CNGB1: variants seen among roughly 807,000 people sequenced by gnomAD.
The protein encoded by CNGB1 is cyclic nucleotide-gated channel beta-1.
Under a neutral mutation model 151.7 loss-of-function variants are expected in CNGB1, and 126 were observed. That is an observed-to-expected ratio of 0.83 (90% CI 0.72 to 0.96). The LOEUF (loss-of-function observed/expected upper bound fraction) is 0.96. Ranked by LOEUF, CNGB1 falls within the 40% of genes least tolerant of loss-of-function variation. CNGB1 has a pLI of 0.00. For missense variants in CNGB1, 1,698 were observed against 1,627.0 expected (o/e 1.04, Z -0.75); for synonymous variants, 623 against 635.1 (o/e 0.98, Z 0.29).
At chr16:57,951,784 C>A (rs1367417810) in intron 12 of CNGB1, among the ~76,000 whole-genome samples, 1 of 152,178 alleles carries the variant, frequency 6.6e-6, no homozygotes, top group African/African-American at 2.4e-5. Flanking sequence ...GATGAGCAAA[C>A]TGAGACACAG....
intron 9 of CNGB1, 150 bp from the exon 10 acceptor site, chr16:57,960,215 C>A: frequency 1.4e-6 from 2 of 1,433,126 alleles, no homozygotes; most frequent in South Asian, 1.4e-5. Context: ...CTCAAACAGA[C>A]CAGACAGACA....
chr16:57,899,339 T>C (rs1302933343), intron 29 of CNGB1, among the ~76,000 whole-genome samples: 1 of 151,784 alleles, frequency 6.6e-6, no homozygotes, highest in African/African-American at 2.4e-5. Context: ...AAAATAATAA[T>C]AATAATAATT....
At chr16:57,939,621 T>A (rs775640942) in intron 15 of CNGB1, 29 bp from the exon 16 acceptor site, 2 of 1,613,936 alleles carry the variant, frequency 1.2e-6, no homozygotes, top group East Asian at 4.5e-5. Flanking sequence ...AAACAGAAAC[T>A]GTGACCATCA....
rs1299763832 is a variant in CNGB1 at position 57,882,786 on chromosome 16, T to A, written c.*1378A>T. 7.1e-6 allele frequency: 1 copy of A among 141,280 alleles called. No individual in the cohort carries two copies. The highest frequency in any genetic ancestry group is 1.5e-5 in the Non-Finnish European group (1 of 64,746). 8.8% of individuals were successfully genotyped at this position (141,280 alleles called of 1,614,324 possible). A position where few individuals can be genotyped will look rare whatever the true frequency, so the allele number is the denominator to read the frequency against. ...TTCCCTGAATGACCCTTTTTTCTTTTTTTTTCTTTTTTCTTTTTTTTTTTT... is the reference window on the plus strand; with the variant it reads ...TTCCCTGAATGACCCTTTTTTCTTTATTTTTCTTTTTTCTTTTTTTTTTTT... On this transcript the variant is annotated 3_prime_UTR_variant, in exon 33 of 33. Transcript: ENST00000251102.
chr16:57,909,087 G>A (rs898651700), intron 25 of CNGB1, among the ~76,000 whole-genome samples: 16 of 152,152 alleles, frequency 1.1e-4, no homozygotes, highest in African/African-American at 1.4e-4. Context: ...TGGGCCACAC[G>A]GCAAAACTCC....
At chr16:57,891,864 C>A (rs1478580980) in intron 31 of CNGB1, among the ~76,000 whole-genome samples, 2 of 152,108 alleles carry the variant, frequency 1.3e-5, no homozygotes, top group African/African-American at 4.8e-5. Flanking sequence ...CTAAAGACAT[C>A]TTATTAAATA....
chr16:57,944,259 G>C (rs1365417993), intron 14 of CNGB1, among the ~76,000 whole-genome samples: 1 of 152,180 alleles, frequency 6.6e-6, no homozygotes, highest in South Asian at 2.1e-4. Context: ...AGGACATTAT[G>C]TTAAGTGAAA....
Position 57,897,859 on chromosome 16 carries a change from C to T in CNGB1, c.3032G>A (p.Gly1011Asp). The T allele has an allele frequency of 6.2e-7, 1 of 1,614,232 alleles. No individual in the cohort carries two copies. Among genetic ancestry groups the T allele is most frequent in the Non-Finnish European group, 8.5e-7 (1 of 1,180,034 alleles). Residue 1011 changes from glycine (G) to aspartate (D), a missense_variant, in exon 30 of 33, where the codon GGC becomes GAC. Physicochemically the swap from Gly to Asp is moderately conservative, Grantham distance 94. Transcript: ENST00000251102. ...IIQAGQVQVLGGPDGKSVLVT... is the reference protein window; with the variant it reads ...IIQAGQVQVLDGPDGKSVLVT... ...CAGCACAGATTTCCCATCAGGGCCG[C>T]CCAAGACCTGCACTTGCCCTGCCTG... is the stretch of plus-strand genomic sequence containing the variant.
In CNGB1 at chr16:57,917,447, CGAA is replaced by C; in HGVS notation, c.1984_1986del (p.Phe662del). 2 of 1,613,938 alleles carry C rather than the reference CGAA, an allele frequency of 1.2e-6. No homozygotes were observed. Among genetic ancestry groups the C allele is most frequent in the Admixed American group, 1.7e-5 (1 of 59,974 alleles). On this transcript the variant is annotated inframe_deletion, in exon 21 of 33. Transcript: ENST00000251102. ...CAGTTCCAATTCCAGGCCATCACCA[CGAA>C]GAACAGCCATAGGACATACATCAGG...
At chr16:57,885,576 CTCTT>C (rs60188757) in intron 32 of CNGB1, among the ~76,000 whole-genome samples, 45,750 of 122,696 alleles carry the variant, frequency 0.37, 10,084 homozygotes, top group Non-Finnish European at 0.46. Flanking sequence ...CTCTCTCTCT[CTCTT>C]TCTTTCTTTC....
At chr16:57,920,943 A>T (rs1308801977) in intron 18 of CNGB1, among the ~76,000 whole-genome samples, 1 of 152,146 alleles carries the variant, frequency 6.6e-6, no homozygotes. Context: ...GAGAGGGAGC[A>T]GGCCTACTTT....
At chr16:57,919,060 C>T in intron 20 of CNGB1, 39 bp downstream of exon 20, 1 of 1,614,040 alleles carries the variant, frequency 6.2e-7, no homozygotes, top group Non-Finnish European at 8.5e-7. Flanking sequence ...CCTGCTCTCT[C>T]ATCTTACACA....
At chr16:57,961,937 T>C (rs569715978) in intron 7 of CNGB1, among the ~76,000 whole-genome samples, 1 of 152,318 alleles carries the variant, frequency 6.6e-6, no homozygotes, top group Non-Finnish European at 1.5e-5. Flanking sequence ...ACTTTGGAAG[T>C]CTACAGTGTC....
At chr16:57,939,319 G>A in intron 16 of CNGB1, 111 bp downstream of exon 16, 1 of 1,481,844 alleles carries the variant, frequency 6.7e-7, no homozygotes, top group Non-Finnish European at 9.3e-7. Context: ...GCAATGGGGG[G>A]AAGGAGATGG....
intron 29 of CNGB1, among the ~76,000 whole-genome samples, chr16:57,899,988 ACT>A (rs1300300846): frequency 3.3e-5 from 5 of 152,062 alleles, no homozygotes; most frequent in African/African-American, 9.7e-5. Flanking sequence ...TTTAAAGCAA[ACT>A]CTGCATCACC....
At chr16:57,953,009 T>TCCAACTG (rs1276634658) in intron 12 of CNGB1, among the ~76,000 whole-genome samples, 1 of 151,990 alleles carries the variant, frequency 6.6e-6, no homozygotes, top group Non-Finnish European at 1.5e-5. Flanking sequence ...CCCCTGGAGC[T>TCCAACTG]CCAACTGCCC....
At position 57,905,484 on chromosome 16, in the gene CNGB1, G is replaced by A. The variant is rs115650168; in HGVS notation, c.2493-609C>T. Among the ~76,000 whole-genome samples the A allele has an allele frequency of 3.1e-3, 479 of 152,314 alleles. 4 individuals carry two copies. The highest frequency in any genetic ancestry group is 0.011 in the African/African-American group (438 of 41,570). On this transcript the variant is annotated intron_variant, in intron 25 of 32. Transcript: ENST00000251102. ...CCACCAGCAGTAACCCTCTGACGTC[G>A]GCTTGTGAACCTTCTGGAAGGGAGG...
intron 21 of CNGB1, 135 bp from the exon 22 acceptor site, chr16:57,916,314 G>T: frequency 1.1e-6 from 1 of 882,782 alleles, no homozygotes; most frequent in Non-Finnish European, 1.9e-6. Context: ...GAGCCTTGGT[G>T]AAAGCCTTGA....
intron 14 of CNGB1, among the ~76,000 whole-genome samples, chr16:57,948,995 C>T (rs1390932618): frequency 6.6e-6 from 1 of 152,170 alleles, no homozygotes; most frequent in Non-Finnish European, 1.5e-5. Flanking sequence ...TGGGAGCCCA[C>T]TGCATATGTC....
Sources: allele counts gnomAD v4.1 joint callset (sites outside exome capture counted in the v4.1 genomes callset), GRCh38; gene constraint gnomAD v4.1.1; transcripts MANE v1.5; gene names NCBI Gene and HGNC (gene_info 2026-07-23, HGNC 2026-07-21).